The following CFAP52 variants were observed in gnomAD, a reference collection of about 807,000 sequenced individuals.
CFAP52 encodes the protein cilia and flagella associated protein 52.
Under a neutral mutation model 70.5 loss-of-function variants are expected in CFAP52, and 57 were observed. That is an observed-to-expected ratio of 0.81 (90% CI 0.65 to 1.01). The LOEUF (loss-of-function observed/expected upper bound fraction) is 1.01. Among genes scored for constraint, CFAP52 ranks in the 50% least tolerant of loss-of-function variants. The pLI is 0.00. For missense variants in CFAP52, 785 were observed against 788.5 expected (o/e 1.00, Z 0.05); for synonymous variants, 267 against 292.5 (o/e 0.91, Z 0.89).
At chr17:9,605,865 C>A (rs975104764) in intron 6 of CFAP52, among the ~76,000 whole-genome samples, 2 of 151,952 alleles carry the variant, frequency 1.3e-5, no homozygotes, top group African/African-American at 4.8e-5. Context: ...AGAGAGTATG[C>A]AATGCCAAGA....
rs190322559 is a variant in CFAP52, at chr17:9,591,554, T to C, written c.408-2639T>C. On this transcript the variant is annotated intron_variant, in intron 3 of 13. Transcript: ENST00000352665. The stretch of plus-strand genomic sequence containing the variant: ...TCTATTTGGCCAGATCTCTATGTTG[T>C]TGCCCTTTGTTTTATCTATTTTTAA... 9.5e-4 allele frequency among the ~76,000 whole-genome samples: 144 copies of C among 152,338 alleles called. 1 individual carries two copies. Among genetic ancestry groups the C allele is most frequent in the African/African-American group, 3.3e-3 (136 of 41,586 alleles).
chr17:9,606,253 T>C (rs1164186216), intron 6 of CFAP52, among the ~76,000 whole-genome samples: 1 of 151,878 alleles, frequency 6.6e-6, no homozygotes, highest in Non-Finnish European at 1.5e-5. Flanking sequence ...CGTGGTGGCA[T>C]GCATCTATAG....
chr17:9,595,971 AC>A (rs917744079), intron 4 of CFAP52, among the ~76,000 whole-genome samples: 6 of 149,674 alleles, frequency 4.0e-5, no homozygotes, highest in Admixed American at 1.3e-4. Context: ...AGCTAAAAAA[AC>A]AAAAGAAAAA....
intron 2 of CFAP52, 22 bp downstream of exon 2, chr17:9,585,994 CATT>C: frequency 6.2e-7 from 1 of 1,611,832 alleles, no homozygotes; most frequent in Non-Finnish European, 8.5e-7. Flanking sequence ...GAAAACGACT[CATT>C]GTCAATTTAT....
intron 8 of CFAP52, among the ~76,000 whole-genome samples, chr17:9,625,189 TA>T (rs771661731): frequency 1.3e-5 from 2 of 151,412 alleles, no homozygotes; most frequent in East Asian, 3.9e-4. Context: ...GTAGAATCCT[TA>T]AAAAAAATCA....
At chr17:9,603,006 G>C (rs1909340755) in intron 6 of CFAP52, among the ~76,000 whole-genome samples, 3 of 152,160 alleles carry the variant, frequency 2.0e-5, no homozygotes, top group African/African-American at 7.2e-5. Flanking sequence ...GCAAGTCTTA[G>C]AGCCCTGCCA....
chr17:9,635,370 G>A (rs939035322), intron 10 of CFAP52, 35 bp from the exon 11 acceptor site: 4 of 1,612,614 alleles, frequency 2.5e-6, no homozygotes, highest in Non-Finnish European at 3.4e-6. Flanking sequence ...GAAGTCCCAA[G>A]TGTGGATCAA....
Position 9,589,743 on chromosome 17 carries a change from A to T in CFAP52, c.407+2909A>T, listed in dbSNP as rs1200356323. 3.0e-3 allele frequency among the ~76,000 whole-genome samples: 460 copies of T among 151,386 alleles called. 6 individuals carry two copies. Among genetic ancestry groups the T allele is most frequent in the South Asian group, 7.5e-3 (36 of 4,798 alleles). The stretch of plus-strand genomic sequence containing the variant: ...GCGAGACTCCGTCTCAAAAAAAAAA[A>T]AAAAAAAAAAAGAAAAGAAATGTAT... On this transcript the variant is annotated intron_variant, in intron 3 of 13. Coordinates refer to ENST00000352665, the MANE Select transcript of CFAP52 (RefSeq NM_145054.5).
At chr17:9,601,879 A>G (rs1232924482) in intron 6 of CFAP52, among the ~76,000 whole-genome samples, 1 of 152,224 alleles carries the variant, frequency 6.6e-6, no homozygotes, top group Non-Finnish European at 1.5e-5. Context: ...AGATGGTTCT[A>G]ACTAAGCTTA....
intron 9 of CFAP52, among the ~76,000 whole-genome samples, chr17:9,630,247 A>ACAGAAGC (rs1209524695): frequency 9.2e-5 from 14 of 151,436 alleles, no homozygotes; most frequent in East Asian, 6.2e-4. Flanking sequence ...TGTTTTCGAC[A>ACAGAAGC]CAGAAGCCAG....
chr17:9,638,717 T>G lies in CFAP52; in HGVS notation c.1575+6T>G. 1 of 1,613,074 alleles carries G rather than the reference T, an allele frequency of 6.2e-7. No individual in the cohort carries two copies. The highest frequency in any genetic ancestry group is 1.1e-5 in the South Asian group (1 of 91,012). On this transcript the variant is annotated splice_donor_region_variant and intron_variant, in intron 12 of 13. Transcript: ENST00000352665. ...CCAGCGGAACAGACAGAAAGGTGAG[T>G]CCTCCCAGTGAGAGATGAGATCTTT...
At chr17:9,595,099 C>T (rs1271761288) in intron 4 of CFAP52, among the ~76,000 whole-genome samples, 1 of 151,878 alleles carries the variant, frequency 6.6e-6, no homozygotes, top group Non-Finnish European at 1.5e-5. Context: ...CCACATTGGC[C>T]GGGTTGGTCT....
At chr17:9,578,307 G>A (rs1411519209) in intron 1 of CFAP52, among the ~76,000 whole-genome samples, 2 of 152,172 alleles carry the variant, frequency 1.3e-5, no homozygotes, top group Non-Finnish European at 2.9e-5. Flanking sequence ...ATGACGGCAC[G>A]TTAAGTGGGA....
chr17:9,599,253 A>G (rs1276870358), intron 5 of CFAP52, among the ~76,000 whole-genome samples: 1 of 152,180 alleles, frequency 6.6e-6, no homozygotes, highest in Non-Finnish European at 1.5e-5. Flanking sequence ...GCACTCAACA[A>G]TTTCCGATTT....
chr17:9,638,844 C>T, intron 12 of CFAP52, 133 bp downstream of exon 12: 1 of 815,752 alleles, frequency 1.2e-6, no homozygotes, highest in Non-Finnish European at 2.0e-6. Context: ...TCAGCCATGC[C>T]ACTTTGGAAA....
At chr17:9,596,056 T>G (rs1908989127) in intron 4 of CFAP52, among the ~76,000 whole-genome samples, 1 of 93,392 alleles carries the variant, frequency 1.1e-5, no homozygotes. Context: ...TATATATGTG[T>G]GTGTATATAT....
chr17:9,614,452 GGCCTCTCAAA>G (rs1909833448), intron 8 of CFAP52, among the ~76,000 whole-genome samples: 1 of 151,948 alleles, frequency 6.6e-6, no homozygotes, highest in Admixed American at 6.6e-5. Context: ...CACCACGCCT[GGCCTCTCAAA>G]ATATTTCTCT....
At chr17:9,641,100 T>C (rs1458029488) in intron 12 of CFAP52, among the ~76,000 whole-genome samples, 1 of 152,182 alleles carries the variant, frequency 6.6e-6, no homozygotes, top group East Asian at 1.9e-4. Flanking sequence ...AAAGGCAGTA[T>C]ATTCAGGAAA....
chr17:9,591,799 G>T (rs982184677), intron 3 of CFAP52, among the ~76,000 whole-genome samples: 5 of 151,812 alleles, frequency 3.3e-5, no homozygotes, highest in Admixed American at 2.0e-4. Context: ...GATTGCTTGA[G>T]CCCAGGAGTT....
Sources: allele counts gnomAD v4.1 joint callset (sites outside exome capture counted in the v4.1 genomes callset), GRCh38; gene constraint gnomAD v4.1.1; transcripts MANE v1.5; gene names NCBI Gene and HGNC (gene_info 2026-07-23, HGNC 2026-07-21).